RANBP17: variants seen among roughly 807,000 people sequenced by gnomAD.
The protein encoded by RANBP17 is ran-binding protein 17.
In RANBP17, 158 loss-of-function variants were observed where a neutral mutation model predicts 141.2. The ratio of observed to expected loss-of-function variants is 1.12; its 90% CI spans 0.98 to 1.28. The LOEUF (loss-of-function observed/expected upper bound fraction) is 1.28. Ranked by LOEUF, RANBP17 falls within the 50% of genes most tolerant of loss-of-function variation. The pLI is 0.00. For synonymous variants in RANBP17, 430 were observed against 450.0 expected, an observed-to-expected ratio of 0.96 and a Z score of 0.56; for missense variants, 1,438 against 1,290.7, an observed-to-expected ratio of 1.11 and a Z score of -1.75.
intron 14 of RANBP17, among the ~76,000 whole-genome samples, chr5:171,034,682 C>T (rs185834983): frequency 6.6e-6 from 1 of 152,240 alleles, no homozygotes; most frequent in Admixed American, 6.5e-5. Flanking sequence ...AGTGCAAAAG[C>T]AGAAAGCCAG....
At chr5:171,054,472 A>G (rs968342951) in intron 14 of RANBP17, among the ~76,000 whole-genome samples, 2 of 152,184 alleles carry the variant, frequency 1.3e-5, no homozygotes, top group African/African-American at 4.8e-5. Context: ...GCATTTGTAA[A>G]TTGTCATGGC....
At position 170,966,159 on chromosome 5, in the gene RANBP17, T is replaced by C. The variant is rs1484948337; in HGVS notation, c.1575-2083T>C. Among the ~76,000 whole-genome samples the C allele has an allele frequency of 5.3e-5, 8 of 151,750 alleles. No homozygotes were observed. The East Asian group carries it at 1.5e-3, about 29-fold the overall frequency. ...TTCCTTCTGAAACTATTCCAATCAG[T>C]AGAAAAAGAGGGAATCCTCCCTAAC... On this transcript the variant is annotated intron_variant, in intron 13 of 27. Transcript: ENST00000523189.
At chr5:171,057,776 C>G (rs534917126) in intron 14 of RANBP17, among the ~76,000 whole-genome samples, 3 of 152,058 alleles carry the variant, frequency 2.0e-5, no homozygotes, top group Admixed American at 6.6e-5. Flanking sequence ...GGAGGGAGTG[C>G]AAGCAGGGGT....
At chr5:171,167,024 A>C (rs1409257425) in intron 14 of RANBP17, among the ~76,000 whole-genome samples, 2 of 152,234 alleles carry the variant, frequency 1.3e-5, no homozygotes, top group Non-Finnish European at 2.9e-5. Context: ...ATGGGAATCA[A>C]AGCTAATGGA....
At chr5:171,029,889 A>G (rs1781448943) in intron 14 of RANBP17, among the ~76,000 whole-genome samples, 1 of 152,096 alleles carries the variant, frequency 6.6e-6, no homozygotes, top group South Asian at 2.1e-4. Flanking sequence ...AAGTCTTACA[A>G]AACATTAATT....
intron 14 of RANBP17, among the ~76,000 whole-genome samples, chr5:171,160,373 A>T (rs1344327224): frequency 6.6e-6 from 1 of 152,208 alleles, no homozygotes; most frequent in Non-Finnish European, 1.5e-5. Context: ...TCTAGTCCAG[A>T]TAAAGCACAA....
chr5:171,127,110 C>T (rs1756527274), intron 14 of RANBP17, among the ~76,000 whole-genome samples: 1 of 152,100 alleles, frequency 6.6e-6, no homozygotes, highest in Non-Finnish European at 1.5e-5. Flanking sequence ...AATAGCACAT[C>T]AGAAGATAAT....
At chr5:171,088,766 G>A (rs929860170) in intron 14 of RANBP17, among the ~76,000 whole-genome samples, 2 of 152,046 alleles carry the variant, frequency 1.3e-5, no homozygotes, top group Admixed American at 1.3e-4. Context: ...GGCTCCTGAG[G>A]CTTCTGCATT....
chr5:171,258,159 A>C (rs76270896), intron 24 of RANBP17, among the ~76,000 whole-genome samples: 2,239 of 133,152 alleles, frequency 0.017, 42 homozygotes, highest in African/African-American at 0.058. Flanking sequence ...ACACACACAC[A>C]CCCCTAGGAA....
intron 12 of RANBP17, among the ~76,000 whole-genome samples, chr5:170,930,025 T>A (rs953441694): frequency 1.3e-5 from 2 of 152,144 alleles, no homozygotes; most frequent in African/African-American, 4.8e-5. Flanking sequence ...GAAGTTGAGA[T>A]TGATAATTTT....
At chr5:171,089,188 T>C (rs1199612464) in intron 14 of RANBP17, among the ~76,000 whole-genome samples, 1 of 145,320 alleles carries the variant, frequency 6.9e-6, no homozygotes, top group Non-Finnish European at 1.5e-5. Context: ...GACAGGACCC[T>C]CAGCTGCAGG....
intron 12 of RANBP17, among the ~76,000 whole-genome samples, chr5:170,928,783 C>A (rs200358919): frequency 7.3e-6 from 1 of 136,794 alleles, no homozygotes; most frequent in African/African-American, 2.7e-5. Flanking sequence ...TTTTTTTTTT[C>A]AAAACCGTTT....
intron 12 of RANBP17, 117 bp from the exon 13 acceptor site, chr5:170,953,480 A>G (rs1775362042): frequency 1.5e-6 from 1 of 651,896 alleles, no homozygotes; most frequent in South Asian, 2.0e-5. Flanking sequence ...TGAGTTCACA[A>G]TAATTTATCA....
chr5:171,258,157 A>ACC (rs1236937310), intron 24 of RANBP17, among the ~76,000 whole-genome samples: 23 of 141,952 alleles, frequency 1.6e-4, no homozygotes, highest in African/African-American at 6.1e-4. Flanking sequence ...ACACACACAC[A>ACC]CACCCCTAGG....
At chr5:170,884,639 C>T (rs2112405) in intron 3 of RANBP17, among the ~76,000 whole-genome samples, 103,234 of 151,622 alleles carry the variant, frequency 0.68, 35,322 homozygotes, top group South Asian at 0.9. Flanking sequence ...TAGGTATAAC[C>T]TTATGGAAAT....
chr5:171,246,727 G>C (rs1765236482), intron 24 of RANBP17, among the ~76,000 whole-genome samples: 1 of 152,164 alleles, frequency 6.6e-6, no homozygotes, highest in Admixed American at 6.5e-5. Flanking sequence ...ACTTTCAAGG[G>C]CATCTTGACA....
chr5:170,943,610 A>G (rs1396795134), intron 12 of RANBP17, among the ~76,000 whole-genome samples: 2 of 152,148 alleles, frequency 1.3e-5, no homozygotes, highest in African/African-American at 4.8e-5. Flanking sequence ...ATTATAATGG[A>G]AATTTAGTAT....
intron 25 of RANBP17, among the ~76,000 whole-genome samples, chr5:171,282,774 C>G (rs773345736): frequency 3.3e-5 from 5 of 152,156 alleles, no homozygotes; most frequent in Non-Finnish European, 7.4e-5. Context: ...GCCACCGCAC[C>G]TGGCTGAAAG....
intron 14 of RANBP17, among the ~76,000 whole-genome samples, chr5:171,099,612 T>C (rs1298955768): frequency 6.6e-6 from 1 of 152,222 alleles, no homozygotes; most frequent in African/African-American, 2.4e-5. Context: ...CTTGCCTGGT[T>C]GCCCTGGCCA....
Sources: gnomAD v4.1 joint callset for allele counts (sites outside exome capture counted in the v4.1 genomes callset) on GRCh38, gnomAD v4.1.1 for gene constraint, MANE v1.5 for transcripts, NCBI Gene and HGNC (gene_info 2026-07-23, HGNC 2026-07-21) for gene names.